Variants in ZYX observed in about 807,000 individuals in gnomAD.
ZYX encodes zyxin-2.
Under a neutral mutation model 58.1 loss-of-function variants are expected in ZYX, and 37 were observed. The observed-to-expected ratio is 0.64, with a 90% confidence interval of 0.49 to 0.84. ZYX has a LOEUF of 0.84. Among genes scored for constraint, ZYX ranks in the 40% least tolerant of loss-of-function variants. The probability of loss-of-function intolerance (pLI) is 0.00; values close to 1 mark genes in which losing one functional copy is unlikely to be tolerated. For missense variants in ZYX, 762 were observed against 761.6 expected (o/e 1.00, Z -0.01); for synonymous variants, 324 against 321.1 (o/e 1.01, Z -0.10).
At position 143,388,359 on chromosome 7, in the gene ZYX, A is replaced by G; in HGVS notation, c.1144+20A>G. ...TCAACGGTGAGCCCACCCCACCGGG[A>G]CACCCCCACCCTGCCCCCACATCAC... On this transcript the variant is annotated intron_variant, in intron 6 of 9. Coordinates refer to ENST00000322764, the MANE Select transcript of ZYX (RefSeq NM_003461.5). This position sits in a 1 kb window ranked among gnomAD's most constrained non-coding sequence, Gnocchi z 7.5. 6.2e-7 allele frequency: 1 copy of G among 1,613,304 alleles called. No homozygotes were observed. Among genetic ancestry groups the G allele is most frequent in the South Asian group, 1.1e-5 (1 of 91,050 alleles).
Position 143,388,416 on chromosome 7 carries a change from A to G in ZYX, c.1145-73A>G. 1 of 1,606,010 alleles carries G rather than the reference A, an allele frequency of 6.2e-7. No homozygotes were observed. On this transcript the variant is annotated intron_variant, in intron 6 of 9. Transcript: ENST00000322764. This position sits in a 1 kb window ranked among gnomAD's most constrained non-coding sequence, Gnocchi z 7.5. ...GGCCAGGGCTGTGGCTCCACTCCCT[A>G]TCTGAGCTGGCTGATCCCTCGCAGC...
Position 143,381,620 on chromosome 7 carries a change from C to A in ZYX, c.49C>A (p.Pro17Thr). Residue 17 changes from proline to threonine, a missense_variant, in exon 2 of 10, where the codon CCG (proline) becomes ACG (threonine). By Grantham distance (38) the Pro-to-Thr change is conservative. Transcript: ENST00000322764. ...CGCGATCTCCGTTTCGGTCTCGGCT[C>A]CGGCTTTTTACGCCCCGCAGAAGAA... ...SPAISVSVSA[P>T]AFYAPQKKFG... 1 of 1,612,296 alleles carries A rather than the reference C, an allele frequency of 6.2e-7. No individual in the cohort carries two copies.
chr7:143,387,160 A>G lies in ZYX; in HGVS notation c.1024-1059A>G, dbSNP rs138996909. 1.3e-5 allele frequency among the ~76,000 whole-genome samples: 2 copies of G among 151,894 alleles called. No homozygotes were observed. Among genetic ancestry groups the G allele is most frequent in the Non-Finnish European group, 2.9e-5 (2 of 68,012 alleles). On this transcript the variant is annotated intron_variant, in intron 5 of 9. Coordinates refer to ENST00000322764, the MANE Select transcript of ZYX (RefSeq NM_003461.5). The surrounding 1 kb of genome is among the most constrained non-coding windows in gnomAD (Gnocchi z 5.8). The stretch of plus-strand genomic sequence containing the variant: ...GAAGATGGCTAAGATCTTAAGGGAA[A>G]ATGGCTAAGATCTGGAGAGTTGGAC...
In ZYX at chr7:143,382,293, C is replaced by T. The variant is rs1273690059; in HGVS notation, c.254C>T (p.Ala85Val). Residue 85 changes from alanine (A) to valine (V), a missense_variant, in exon 3 of 10, where the codon GCA becomes GTA. Ala to Val is a moderately conservative substitution (Grantham distance 64, BLOSUM62 0). Coordinates refer to ENST00000322764, the MANE Select transcript of ZYX (RefSeq NM_003461.5). ...CCCCTTGCTGGGGATGGCGACGATG[C>T]AGAGGGTGCTCTGGGAGGTGCCTTC... Reference protein sequence around the residue: ...PPPLAGDGDDAEGALGGAFPP... With the variant: ...PPPLAGDGDDVEGALGGAFPP... The T allele has an allele frequency of 6.8e-6, 11 of 1,612,618 alleles. No individual in the cohort carries two copies. The highest frequency in any genetic ancestry group is 9.3e-6 in the Non-Finnish European group (11 of 1,179,504).
At position 143,390,160 on chromosome 7, in the gene ZYX, C is replaced by T. The variant is rs1450104639; in HGVS notation, c.1614+183C>T. ...CTTCCTGCCACTGCAGGAAATGGGG[C>T]TGTGGGGCTTCTGAGGTCACTTTGA... is the stretch of plus-strand genomic sequence containing the variant. On this transcript the variant is annotated intron_variant, in intron 9 of 9. Transcript: ENST00000322764. The surrounding 1 kb of genome is among the most constrained non-coding windows in gnomAD (Gnocchi z 4.3). 8 of 818,110 alleles carry T rather than the reference C, an allele frequency of 9.8e-6. No individual in the cohort carries two copies. The highest frequency in any genetic ancestry group is 1.5e-5 in the Non-Finnish European group (8 of 534,702). The allele number at this position is 818,110 out of a possible 1,614,324, so 50.7% of individuals were successfully genotyped here. A position where few individuals can be genotyped will look rare whatever the true frequency, so the allele number is the denominator to read the frequency against.
chr7:143,390,847 G>A lies in ZYX; in HGVS notation c.*165G>A, dbSNP rs140112713. 6.8e-4 allele frequency: 418 copies of A among 611,784 alleles called. 1 individual carries two copies. In the African/African-American group the frequency reaches 7.0e-3, roughly 10 times the overall value. 37.9% of individuals were successfully genotyped at this position (611,784 alleles called of 1,614,324 possible). On this transcript the variant is annotated 3_prime_UTR_variant, in exon 10 of 10. Transcript: ENST00000322764. This position sits in a 1 kb window ranked among gnomAD's most constrained non-coding sequence, Gnocchi z 4.3. ...CTGACCCAGGACCCAACATGGTCTA[G>A]GGATGCAGGATCCCCGCCCTGGGGT... is the stretch of plus-strand genomic sequence containing the variant.
In ZYX at chr7:143,390,774, A is replaced by C. The variant is rs1805042252; in HGVS notation, c.*92A>C. The C allele has an allele frequency of 1.0e-6, 1 of 988,626 alleles. No homozygotes were observed. The highest frequency in any genetic ancestry group is 1.5e-6 in the Non-Finnish European group (1 of 650,522). The allele number at this position is 988,626 out of a possible 1,614,324, so 61.2% of individuals were successfully genotyped here. A position where few individuals can be genotyped will look rare whatever the true frequency, so the allele number is the denominator to read the frequency against. ...TGCCCCCACCTCAGTTATTGTTTTGATGTCTAGCCCCTCCCATTTCCAACC... is the reference window on the plus strand; with the variant it reads ...TGCCCCCACCTCAGTTATTGTTTTGCTGTCTAGCCCCTCCCATTTCCAACC... On this transcript the variant is annotated 3_prime_UTR_variant, in exon 10 of 10. Transcript: ENST00000322764. The surrounding 1 kb of genome is among the most constrained non-coding windows in gnomAD (Gnocchi z 4.3).
In ZYX at chr7:143,390,114, C is replaced by T; in HGVS notation, c.1614+137C>T. The T allele has an allele frequency of 7.8e-7, 1 of 1,281,458 alleles. No homozygotes were observed. The highest frequency in any genetic ancestry group is 1.1e-6 in the Non-Finnish European group (1 of 921,408). 79.4% of individuals were successfully genotyped at this position (1,281,458 alleles called of 1,614,324 possible). ...TTTTGAGGGTGGCTCATGGTGGCAC[C>T]CCATCTGTCCTGCCAGAATGCTTCC... On this transcript the variant is annotated intron_variant, in intron 9 of 9. Coordinates refer to ENST00000322764, the MANE Select transcript of ZYX (RefSeq NM_003461.5). This position sits in a 1 kb window ranked among gnomAD's most constrained non-coding sequence, Gnocchi z 4.3.
Position 143,382,883 on chromosome 7 carries a change from C to G in ZYX, c.584C>G (p.Ala195Gly). The change falls in exon 5 of 10, where the codon GCA becomes GGA. Residue 195 changes from alanine to glycine, a missense_variant. Transcript: ENST00000322764. ...ACCAAGCCTGCAGCCGGGGGCACAGCACCCCTGCCTCCTTGGAAGTCCCCT... is the reference window on the plus strand; with the variant it reads ...ACCAAGCCTGCAGCCGGGGGCACAGGACCCCTGCCTCCTTGGAAGTCCCCT... ...SSTKPAAGGT[A>G]PLPPWKSPSS... 6.2e-7 allele frequency: 1 copy of G among 1,613,662 alleles called. No homozygotes were observed. Among genetic ancestry groups the G allele is most frequent in the Non-Finnish European group, 8.5e-7 (1 of 1,179,804 alleles).
At position 143,388,784 on chromosome 7, in the gene ZYX, TA is replaced by T. The variant is rs772851326; in HGVS notation, c.1334del (p.Asn445ThrfsTer12). The T allele has an allele frequency of 1.2e-6, 2 of 1,613,754 alleles. No individual in the cohort carries two copies. The highest frequency in any genetic ancestry group is 1.7e-6 in the Non-Finnish European group (2 of 1,179,822). On this transcript the variant is annotated frameshift_variant, in exon 8 of 10. Coordinates refer to ENST00000322764, the MANE Select transcript of ZYX (RefSeq NM_003461.5). LOFTEE classifies it high-confidence loss of function. This position sits in a 1 kb window ranked among gnomAD's most constrained non-coding sequence, Gnocchi z 7.5. The stretch of plus-strand genomic sequence containing the variant: ...CTCCTCAGGACACCCTGGAGAAGTG[TA>T]ACACCTGCGGGGAGCCCATCACTGA... ...GCYTDTLEKC[N>X]TCGEPITDRM...
chr7:143,387,225 C>G lies in ZYX; in HGVS notation c.1024-994C>G, dbSNP rs1804894633. Among the ~76,000 whole-genome samples the G allele has an allele frequency of 6.6e-6, 1 of 152,010 alleles. No homozygotes were observed. The highest frequency in any genetic ancestry group is 2.4e-5 in the African/African-American group (1 of 41,382). On this transcript the variant is annotated intron_variant, in intron 5 of 9. Transcript: ENST00000322764. The surrounding 1 kb of genome is among the most constrained non-coding windows in gnomAD (Gnocchi z 5.8). The stretch of plus-strand genomic sequence containing the variant: ...GCTTCACTGGGCAGAAAGGACGCAA[C>G]TCTGGGTACAGATGGGGGTCGGGGT...
rs1338885867 is a variant in ZYX at position 143,389,678 on chromosome 7, A to G, written c.1494-179A>G. On this transcript the variant is annotated intron_variant, in intron 8 of 9. Coordinates refer to ENST00000322764, the MANE Select transcript of ZYX (RefSeq NM_003461.5). This position sits in a 1 kb window ranked among gnomAD's most constrained non-coding sequence, Gnocchi z 5.6. ...GGGAGAGTGACTGGTGAGGCAGGAA[A>G]TTCCCTTTGATGAGGGCCAGTCATG... Among the ~76,000 whole-genome samples, 1 of 152,090 alleles carries G rather than the reference A, an allele frequency of 6.6e-6. No individual in the cohort carries two copies. Among genetic ancestry groups the G allele is most frequent in the Non-Finnish European group, 1.5e-5 (1 of 67,998 alleles).
chr7:143,381,963 T>G, intron 2 of ZYX, 184 bp downstream of exon 2: 1 of 665,146 alleles, frequency 1.5e-6, no homozygotes, highest in Non-Finnish European at 2.5e-6. Flanking sequence ...CCTGGGACCG[T>G]TCCAAGTCCC....
Position 143,390,374 on chromosome 7 carries a change from C to G in ZYX, c.1615-204C>G. ...ACCTTGGGAGCAGCTCTACCCACTG[C>G]TTGCCCTCTTGCAGGAAGGTCCTAG... On this transcript the variant is annotated intron_variant, in intron 9 of 9. Transcript: ENST00000322764. The surrounding 1 kb of genome is among the most constrained non-coding windows in gnomAD (Gnocchi z 4.3). 1.7e-6 allele frequency: 1 copy of G among 588,538 alleles called. No homozygotes were observed. The highest frequency in any genetic ancestry group is 3.0e-6 in the Non-Finnish European group (1 of 328,804). 36.5% of individuals were successfully genotyped at this position (588,538 alleles called of 1,614,324 possible). A position where few individuals can be genotyped will look rare whatever the true frequency, so the allele number is the denominator to read the frequency against.
chr7:143,382,829 T>G lies in ZYX; in HGVS notation c.530T>G (p.Val177Gly), dbSNP rs144879938. The change falls in exon 5 of 10, where the codon GTG (valine) becomes GGG (glycine). Residue 177 changes from valine to glycine, a missense_variant. Coordinates refer to ENST00000322764, the MANE Select transcript of ZYX (RefSeq NM_003461.5). The stretch of plus-strand genomic sequence containing the variant: ...TCATCTGGATATGTGCCCCCACCAG[T>G]GGCCACTCCATTCAGTTCCAAGTCC... The part of the protein sequence containing the change: ...RVSSGYVPPP[V>G]ATPFSSKSST... 7.3e-5 allele frequency: 117 copies of G among 1,607,030 alleles called. 1 individual carries two copies. In the African/African-American group the frequency reaches 1.4e-3, roughly 19 times the overall value.
Position 143,389,927 on chromosome 7 carries a change from C to T in ZYX, c.1564C>T (p.Arg522Ter), listed in dbSNP as rs750192633. The T allele has an allele frequency of 5.0e-5, 81 of 1,613,984 alleles. No homozygotes were observed. Among genetic ancestry groups the T allele is most frequent in the Non-Finnish European group, 6.5e-5 (77 of 1,179,982 alleles). The change falls in exon 9 of 10, where the codon CGA becomes TGA. Residue 522 changes from arginine (R) to a stop codon, truncating the protein, a stop_gained. Coordinates refer to ENST00000322764, the MANE Select transcript of ZYX (RefSeq NM_003461.5). LOFTEE classifies it high-confidence loss of function. The surrounding 1 kb of genome is among the most constrained non-coding windows in gnomAD (Gnocchi z 5.6). ...TGAGCCTGGCCGAGATGAGACTGTG[C>T]GAGTGGTCGCCCTGGACAAGAACTT... ...MPEPGRDETV[R>*]VVALDKNFHM...
chr7:143,387,828 CT>C lies in ZYX; in HGVS notation c.1024-390del. 2.1e-6 allele frequency: 1 copy of C among 479,710 alleles called. No individual in the cohort carries two copies. Among genetic ancestry groups the C allele is most frequent in the Non-Finnish European group, 4.3e-6 (1 of 233,278 alleles). 29.7% of individuals were successfully genotyped at this position (479,710 alleles called of 1,614,324 possible). ...CGTGTGTGCACGCCATTGCGTGCCCCTGTCCCATGGGGGCGATGTCCGAGCA... is the reference window on the plus strand; with the variant it reads ...CGTGTGTGCACGCCATTGCGTGCCCCGTCCCATGGGGGCGATGTCCGAGCA... On this transcript the variant is annotated intron_variant, in intron 5 of 9. Transcript: ENST00000322764. The surrounding 1 kb of genome is among the most constrained non-coding windows in gnomAD (Gnocchi z 5.8).
At chr7:143,383,362 C>A (rs949439661) in intron 5 of ZYX, 40 bp downstream of exon 5, 1 of 1,549,996 alleles carries the variant, frequency 6.5e-7, no homozygotes, top group Non-Finnish European at 8.7e-7. Context: ...TACCAGGGCA[C>A]TGGGGCGGGG....
In ZYX at chr7:143,384,353, A is replaced by T. The variant is rs1009361631; in HGVS notation, c.1023+1031A>T. The T allele has an allele frequency of 2.3e-6, 1 of 443,278 alleles. No individual in the cohort carries two copies. The highest frequency in any genetic ancestry group is 2.0e-5 in the African/African-American group (1 of 49,240). The allele number at this position is 443,278 out of a possible 1,614,324, so 27.5% of individuals were successfully genotyped here. Reference sequence around the variant, plus strand: ...ATCCAGAGAGGAGAGGGATGTTTGGAGAACAGAAAGTGGAAGGTTCCTGTA... The same window carrying T: ...ATCCAGAGAGGAGAGGGATGTTTGGTGAACAGAAAGTGGAAGGTTCCTGTA... On this transcript the variant is annotated intron_variant, in intron 5 of 9. Coordinates refer to ENST00000322764, the MANE Select transcript of ZYX (RefSeq NM_003461.5). The surrounding 1 kb of genome is among the most constrained non-coding windows in gnomAD (Gnocchi z 4.9).
Sources: allele counts gnomAD v4.1 joint callset (sites outside exome capture counted in the v4.1 genomes callset), GRCh38; gene constraint gnomAD v4.1.1; non-coding constraint Gnocchi (gnomAD v3.1); transcripts MANE v1.5; gene names NCBI Gene and HGNC (gene_info 2026-07-23, HGNC 2026-07-21).